Variants in FBXL7 observed in about 807,000 individuals in gnomAD.
FBXL7 encodes F-box/LRR-repeat protein 7.
Under a neutral mutation model 38.3 loss-of-function variants are expected in FBXL7, and 12 were observed. The ratio of observed to expected loss-of-function variants is 0.31; its 90% CI spans 0.20 to 0.51. FBXL7 has a LOEUF of 0.51. Ranked by LOEUF, FBXL7 falls within the 20% of genes least tolerant of loss-of-function variation. FBXL7 has a pLI of 0.98. For synonymous variants in FBXL7, 297 were observed against 300.9 expected, an observed-to-expected ratio of 0.99 and a Z score of 0.13; for missense variants, 567 against 676.4, an observed-to-expected ratio of 0.84 and a Z score of 1.79.
At position 15,500,607 on chromosome 5, in the gene FBXL7, G is replaced by C; in HGVS notation, c.-70G>C. 6.2e-7 allele frequency: 1 copy of C among 1,608,332 alleles called. No homozygotes were observed. The highest frequency in any genetic ancestry group is 2.2e-5 in the East Asian group (1 of 44,666). ...GGTCCCGTCGGGCGGGCTTTCCTCG[G>C]GCCGAGCGCGCAGGACGTGCGCCGC... On this transcript the variant is annotated 5_prime_UTR_variant, in exon 1 of 4. Transcript: ENST00000504595.
intron 2 of FBXL7, among the ~76,000 whole-genome samples, chr5:15,733,337 C>T (rs1462330201): frequency 1.3e-5 from 2 of 151,942 alleles, no homozygotes; most frequent in Non-Finnish European, 2.9e-5. Context: ...ATGATCCACC[C>T]GCCTCAGCCT....
chr5:15,507,433 G>T (rs2126349997), intron 1 of FBXL7, among the ~76,000 whole-genome samples: 1 of 152,280 alleles, frequency 6.6e-6, no homozygotes, highest in Non-Finnish European at 1.5e-5. Context: ...CACATAAACT[G>T]TCTTAACTCT....
intron 1 of FBXL7, among the ~76,000 whole-genome samples, chr5:15,527,416 C>G (rs1580352657): frequency 1.3e-5 from 2 of 151,936 alleles, no homozygotes; most frequent in Non-Finnish European, 2.9e-5. Context: ...TTAGCATATA[C>G]CAGAAATTAA....
At chr5:15,596,213 C>T (rs1448064860) in intron 1 of FBXL7, among the ~76,000 whole-genome samples, 1 of 152,146 alleles carries the variant, frequency 6.6e-6, no homozygotes, top group Non-Finnish European at 1.5e-5. Context: ...CTAAGGTATG[C>T]TTCTGAAATA....
chr5:15,620,157 A>C (rs1740579932), intron 2 of FBXL7, among the ~76,000 whole-genome samples: 1 of 152,016 alleles, frequency 6.6e-6, no homozygotes, highest in African/African-American at 2.4e-5. Context: ...CTTAAAAAAG[A>C]GTGTTGGGGC....
chr5:15,569,184 A>G (rs1738684302), intron 1 of FBXL7, among the ~76,000 whole-genome samples: 1 of 152,210 alleles, frequency 6.6e-6, no homozygotes, highest in Admixed American at 6.5e-5. Flanking sequence ...TTTGGGCAGT[A>G]TGGCCATTTT....
chr5:15,904,035 T>TA (rs1412942228), intron 2 of FBXL7, among the ~76,000 whole-genome samples: 3 of 152,198 alleles, frequency 2.0e-5, no homozygotes, highest in Non-Finnish European at 1.5e-5. Context: ...TAGTATACCT[T>TA]ACAATAGTTA....
chr5:15,568,779 A>G (rs1191538420), intron 1 of FBXL7, among the ~76,000 whole-genome samples: 2 of 152,012 alleles, frequency 1.3e-5, no homozygotes, highest in Non-Finnish European at 2.9e-5. Flanking sequence ...AGGTGTAAGG[A>G]AGGGATCCAG....
At chr5:15,741,753 G>A (rs915000779) in intron 2 of FBXL7, among the ~76,000 whole-genome samples, 2 of 152,086 alleles carry the variant, frequency 1.3e-5, no homozygotes, top group Non-Finnish European at 2.9e-5. Flanking sequence ...CTATTCTTAG[G>A]AGTTATAGCA....
At chr5:15,925,934 A>G (rs1466565473) in intron 2 of FBXL7, among the ~76,000 whole-genome samples, 1 of 152,228 alleles carries the variant, frequency 6.6e-6, no homozygotes, top group Admixed American at 6.5e-5. Context: ...TACAGTATTC[A>G]ATAAGTCACG....
In FBXL7 at chr5:15,846,553, G is replaced by C. The variant is rs114699966; in HGVS notation, c.128-81337G>C. On this transcript the variant is annotated intron_variant, in intron 2 of 3. Transcript: ENST00000504595. The stretch of plus-strand genomic sequence containing the variant: ...TTTATATGATAACCTGCAAAGGAAA[G>C]CCAAGAAAATATTTGATTGGTTACA... Among the ~76,000 whole-genome samples the C allele has an allele frequency of 6.1e-3, 923 of 152,304 alleles. 9 individuals are homozygous for C. The highest frequency in any genetic ancestry group is 0.02 in the African/African-American group (851 of 41,574).
intron 2 of FBXL7, among the ~76,000 whole-genome samples, chr5:15,853,570 A>G (rs983669783): frequency 4.6e-5 from 7 of 152,114 alleles, no homozygotes; most frequent in Non-Finnish European, 1.0e-4. Context: ...GGGATGTTCA[A>G]TGCGGAGTAA....
At chr5:15,649,625 G>A (rs913891047) in intron 2 of FBXL7, among the ~76,000 whole-genome samples, 1 of 151,986 alleles carries the variant, frequency 6.6e-6, no homozygotes, top group East Asian at 1.9e-4. Flanking sequence ...TGCCATCATA[G>A]CTGATGAAAG....
chr5:15,824,820 A>G (rs751845994), intron 2 of FBXL7, among the ~76,000 whole-genome samples: 2 of 152,180 alleles, frequency 1.3e-5, no homozygotes, highest in Non-Finnish European at 2.9e-5. Flanking sequence ...GTAGTTTTTG[A>G]AAGCTGTTTC....
intron 2 of FBXL7, among the ~76,000 whole-genome samples, chr5:15,712,573 G>A (rs1743910275): frequency 6.6e-6 from 1 of 151,850 alleles, no homozygotes; most frequent in Non-Finnish European, 1.5e-5. Context: ...TGTGATACAT[G>A]TTTTTCTTAG....
At chr5:15,658,765 C>T (rs1021742329) in intron 2 of FBXL7, among the ~76,000 whole-genome samples, 14 of 152,094 alleles carry the variant, frequency 9.2e-5, no homozygotes, top group African/African-American at 2.9e-4. Flanking sequence ...GGGATTTTCA[C>T]GATGCTTTTC....
At chr5:15,648,895 CTTT>C (rs5866155) in intron 2 of FBXL7, among the ~76,000 whole-genome samples, 3 of 143,502 alleles carry the variant, frequency 2.1e-5, no homozygotes, top group Admixed American at 7.0e-5. Context: ...TCAATTTCAA[CTTT>C]TTTTTTTTTT....
chr5:15,884,354 C>T (rs1207871777), intron 2 of FBXL7, among the ~76,000 whole-genome samples: 1 of 151,990 alleles, frequency 6.6e-6, no homozygotes, highest in Non-Finnish European at 1.5e-5. Flanking sequence ...GCCAGCTCCA[C>T]CTCCCGGGTT....
At chr5:15,736,942 G>GT (rs953289410) in intron 2 of FBXL7, among the ~76,000 whole-genome samples, 22 of 152,230 alleles carry the variant, frequency 1.4e-4, no homozygotes, top group African/African-American at 4.6e-4. Flanking sequence ...CTGTATTCCA[G>GT]AAACCATCTT....
Sources: gnomAD v4.1 joint callset for allele counts (sites outside exome capture counted in the v4.1 genomes callset) on GRCh38, gnomAD v4.1.1 for gene constraint, MANE v1.5 for transcripts, NCBI Gene and HGNC (gene_info 2026-07-23, HGNC 2026-07-21) for gene names.